Variants in PLEKHD1 observed in about 807,000 individuals in gnomAD.
PLEKHD1 encodes the protein pleckstrin homology domain-containing family D member 1.
PLEKHD1 carries 51 observed loss-of-function variants against 69.2 expected under a neutral mutation model. The ratio of observed to expected loss-of-function variants is 0.74; its 90% CI spans 0.59 to 0.93. PLEKHD1 has a LOEUF of 0.93. Ranked by LOEUF, PLEKHD1 falls within the 40% of genes least tolerant of loss-of-function variation. PLEKHD1 has a pLI of 0.00. For synonymous variants in PLEKHD1, 236 were observed against 244.7 expected, an observed-to-expected ratio of 0.96 and a Z score of 0.33; for missense variants, 584 against 641.0, an observed-to-expected ratio of 0.91 and a Z score of 0.96.
the PLEKHD1 span, among the ~76,000 whole-genome samples, chr14:69,479,615 T>C: frequency 6.6e-6 from 1 of 151,940 alleles, no homozygotes; most frequent in Non-Finnish European, 1.5e-5. Context: ...GAGGCCAGCC[T>C]GGGCAACATA....
chr14:69,492,299 C>T (rs1435358591), intron 1 of PLEKHD1, among the ~76,000 whole-genome samples: 1 of 152,216 alleles, frequency 6.6e-6, no homozygotes, highest in Non-Finnish European at 1.5e-5. Flanking sequence ...TACTCCTATT[C>T]ATTCTTCAAA....
At chr14:69,497,451 G>T (rs753330882) in intron 1 of PLEKHD1, among the ~76,000 whole-genome samples, 2 of 152,268 alleles carry the variant, frequency 1.3e-5, no homozygotes, top group African/African-American at 2.4e-5. Context: ...GGATGTGGCA[G>T]TGGGCCTAAG....
intron 6 of PLEKHD1, among the ~76,000 whole-genome samples, chr14:69,513,722 G>T (rs995075498): frequency 1.3e-5 from 2 of 152,068 alleles, no homozygotes; most frequent in African/African-American, 4.8e-5. Flanking sequence ...ATGAGTTTCT[G>T]ACCTATATCA....
At chr14:69,503,858 C>G (rs1259714910) in intron 6 of PLEKHD1, among the ~76,000 whole-genome samples, 1 of 126,364 alleles carries the variant, frequency 7.9e-6, no homozygotes, top group Non-Finnish European at 1.6e-5. Context: ...AACGAGACTC[C>G]GTCTCAAAAA....
intron 1 of PLEKHD1, among the ~76,000 whole-genome samples, chr14:69,490,521 T>C (rs1882755104): frequency 6.6e-6 from 1 of 152,194 alleles, no homozygotes; most frequent in African/African-American, 2.4e-5. Context: ...GGTTGAAGAC[T>C]CCTGTTTTAC....
intron 6 of PLEKHD1, among the ~76,000 whole-genome samples, chr14:69,520,730 A>T (rs1444473025): frequency 6.6e-6 from 1 of 152,212 alleles, no homozygotes; most frequent in East Asian, 1.9e-4. Context: ...CAGTCTCAAA[A>T]GAAAAAAAGA....
At chr14:69,512,910 A>G (rs1883301340) in intron 6 of PLEKHD1, among the ~76,000 whole-genome samples, 1 of 151,850 alleles carries the variant, frequency 6.6e-6, no homozygotes, top group African/African-American at 2.4e-5. Context: ...AAAAAAAAAA[A>G]AGAGAGAGAG....
chr14:69,484,938 G>A lies in PLEKHD1; in HGVS notation c.-28G>A. ...TGCTGACCCCGGGGAGGTGGGGTCCGGGCCGGGCACAGCCCCGCTGAGGCA... is the reference window on the plus strand; with the variant it reads ...TGCTGACCCCGGGGAGGTGGGGTCCAGGCCGGGCACAGCCCCGCTGAGGCA... On this transcript the variant is annotated 5_prime_UTR_variant, in exon 1 of 13. Coordinates refer to ENST00000322564, the MANE Select transcript of PLEKHD1 (RefSeq NM_001161498.2). The A allele has an allele frequency of 2.6e-6, 4 of 1,546,374 alleles. No individual in the cohort carries two copies. Among genetic ancestry groups the A allele is most frequent in the Non-Finnish European group, 2.6e-6 (3 of 1,143,732 alleles).
chr14:69,519,737 G>A (rs1362034141), intron 6 of PLEKHD1, among the ~76,000 whole-genome samples: 1 of 152,190 alleles, frequency 6.6e-6, no homozygotes, highest in Admixed American at 6.5e-5. Flanking sequence ...ATATCCCAGC[G>A]TAATATCAAG....
In PLEKHD1 at chr14:69,528,244, C is replaced by T. The variant is rs769454206; in HGVS notation, c.1352-6C>T. On this transcript the variant is annotated splice_polypyrimidine_tract_variant and splice_region_variant and intron_variant, in intron 12 of 12. Coordinates refer to ENST00000322564, the MANE Select transcript of PLEKHD1 (RefSeq NM_001161498.2). ...TCACAGGGCTGTTGGGCTCCTGTTT[C>T]CCCAGTGAAGCCGTCCCAGTCCTTC... 2.6e-6 allele frequency: 4 copies of T among 1,551,584 alleles called. No individual in the cohort carries two copies. In the South Asian group the frequency reaches 3.6e-5, roughly 14 times the overall value.
At chr14:69,482,952 G>A (rs993114190), upstream of PLEKHD1, among the ~76,000 whole-genome samples, 1 of 151,584 alleles carries the variant, frequency 6.6e-6, no homozygotes, top group Non-Finnish European at 1.5e-5. Flanking sequence ...GAAAAGAAAA[G>A]CAGGGCTCCT....
Position 69,526,073 on chromosome 14 carries a change from G to A in PLEKHD1, c.874G>A (p.Glu292Lys), listed in dbSNP as rs1437069264. 1.9e-6 allele frequency: 3 copies of A among 1,551,616 alleles called. No homozygotes were observed. The highest frequency in any genetic ancestry group is 2.6e-6 in the Non-Finnish European group (3 of 1,146,968). The change falls in exon 9 of 13, where the codon GAG becomes AAG. Residue 292 changes from glutamate (E) to lysine (K), a missense_variant. Physicochemically the swap from Glu to Lys is moderately conservative, Grantham distance 56. Coordinates refer to ENST00000322564, the MANE Select transcript of PLEKHD1 (RefSeq NM_001161498.2). The stretch of plus-strand genomic sequence containing the variant: ...CCTCCATAGCAACCTCCGGCAGATC[G>A]AGGAGAAGATGCAGCAGCTCTTAGA... ...GGLHSNLRQIEEKMQQLLEEK... is the reference protein window; with the variant it reads ...GGLHSNLRQIKEKMQQLLEEK...
chr14:69,514,433 A>G (rs1325237715), intron 6 of PLEKHD1, among the ~76,000 whole-genome samples: 1 of 151,426 alleles, frequency 6.6e-6, no homozygotes, highest in Non-Finnish European at 1.5e-5. Flanking sequence ...TATTCTTAGA[A>G]TTTTCATCTC....
chr14:69,476,179 A>G, the PLEKHD1 span, among the ~76,000 whole-genome samples: 2 of 148,186 alleles, frequency 1.3e-5, no homozygotes, highest in Non-Finnish European at 3.0e-5. Context: ...AATCCCCTGA[A>G]CCCAGGAGGT....
intron 7 of PLEKHD1, among the ~76,000 whole-genome samples, chr14:69,523,839 G>A (rs778794845): frequency 2.0e-5 from 3 of 152,210 alleles, no homozygotes; most frequent in Non-Finnish European, 4.4e-5. Context: ...CAAGGAGCTT[G>A]TTACTAACCC....
upstream of PLEKHD1, among the ~76,000 whole-genome samples, chr14:69,481,541 G>T (rs1022229478): frequency 1.3e-5 from 2 of 152,176 alleles, no homozygotes; most frequent in Non-Finnish European, 2.9e-5. Context: ...GCAAGGTGAA[G>T]GGGAAGGGCT....
chr14:69,529,135 C>T lies in PLEKHD1; in HGVS notation c.*716C>T, dbSNP rs1456698533. On this transcript the variant is annotated 3_prime_UTR_variant, in exon 13 of 13. Transcript: ENST00000322564. Reference sequence around the variant, plus strand: ...GGTGAGCTCACTCACAGCCTTGGCACCCTGCAAGGGTAGAATGATGGCACC... The same window carrying T: ...GGTGAGCTCACTCACAGCCTTGGCATCCTGCAAGGGTAGAATGATGGCACC... 6.6e-6 allele frequency: 1 copy of T among 152,410 alleles called. No individual in the cohort carries two copies. Among genetic ancestry groups the T allele is most frequent in the Non-Finnish European group, 1.5e-5 (1 of 68,230 alleles). 9.4% of individuals were successfully genotyped at this position (152,410 alleles called of 1,614,324 possible). A position where few individuals can be genotyped will look rare whatever the true frequency, so the allele number is the denominator to read the frequency against.
At chr14:69,517,379 G>T (rs908745451) in intron 6 of PLEKHD1, among the ~76,000 whole-genome samples, 3 of 152,026 alleles carry the variant, frequency 2.0e-5, no homozygotes, top group Non-Finnish European at 4.4e-5. Flanking sequence ...CCAACAGTTG[G>T]ATATAAGAGG....
At chr14:69,489,049 G>C (rs1430215281) in intron 1 of PLEKHD1, among the ~76,000 whole-genome samples, 1 of 152,102 alleles carries the variant, frequency 6.6e-6, no homozygotes, top group Non-Finnish European at 1.5e-5. Flanking sequence ...ACCCAGACCA[G>C]GTCTGCCAAA....
Sources: allele counts gnomAD v4.1 joint callset (sites outside exome capture counted in the v4.1 genomes callset), GRCh38; gene constraint gnomAD v4.1.1; transcripts MANE v1.5; gene names NCBI Gene and HGNC (gene_info 2026-07-23, HGNC 2026-07-21).